TYW1B: variants seen among roughly 807,000 people sequenced by gnomAD.
The protein encoded by TYW1B is tRNA-yW synthesizing protein 1 homolog B.
TYW1B carries 73 observed loss-of-function variants against 86.9 expected under a neutral mutation model. That is an observed-to-expected ratio of 0.84 (90% confidence interval 0.70 to 1.02). The LOEUF is 1.02. TYW1B is among the 50% of genes least tolerant of loss of function. TYW1B has a pLI of 0.00. For synonymous variants in TYW1B, 248 were observed against 292.8 expected (o/e 0.85, Z 1.56); for missense variants, 637 against 827.4 (o/e 0.77, Z 2.82).
At chr7:72,636,780 T>C (rs1279439633) in intron 11 of TYW1B, among the ~76,000 whole-genome samples, 1 of 152,236 alleles carries the variant, frequency 6.6e-6, no homozygotes, top group Non-Finnish European at 1.5e-5. Flanking sequence ...CATGGTTTTA[T>C]AGACTGCTGT....
At chr7:72,622,710 A>G (rs1306403215) in intron 12 of TYW1B, among the ~76,000 whole-genome samples, 1 of 147,940 alleles carries the variant, frequency 6.8e-6, no homozygotes, top group Non-Finnish European at 1.5e-5. Flanking sequence ...ACACACATGC[A>G]CACACACAAC....
In TYW1B at chr7:72,824,047, C is replaced by T. The variant is rs543729205; in HGVS notation, c.135+2808G>A. ...CATTAAAAGGACTTTGCTTTGGCTG[C>T]TCAGACACCTTTTTGCTTTTTTTCA... On this transcript the variant is annotated intron_variant, in intron 2 of 13. Coordinates refer to ENST00000620995, the MANE Select transcript of TYW1B (RefSeq NM_001145440.3). Among the ~76,000 whole-genome samples the T allele has an allele frequency of 6.9e-4, 105 of 152,102 alleles. 1 individual carries two copies. Among genetic ancestry groups the T allele is most frequent in the African/African-American group, 2.5e-3 (102 of 41,494 alleles).
At chr7:72,781,098 T>C (rs536507185) in intron 6 of TYW1B, among the ~76,000 whole-genome samples, 1 of 152,128 alleles carries the variant, frequency 6.6e-6, no homozygotes, top group African/African-American at 2.4e-5. Flanking sequence ...CCAATCTGGT[T>C]CAATTATGTG....
At chr7:72,717,001 G>A (rs1401479317) in intron 9 of TYW1B, among the ~76,000 whole-genome samples, 1 of 151,478 alleles carries the variant, frequency 6.6e-6, no homozygotes, top group African/African-American at 2.4e-5. Context: ...ACAGTTGCTT[G>A]TAAAAAGCAT....
chr7:72,630,249 G>C (rs138050149), intron 11 of TYW1B, among the ~76,000 whole-genome samples: 1 of 152,030 alleles, frequency 6.6e-6, no homozygotes, highest in Non-Finnish European at 1.5e-5. Flanking sequence ...ACTGCACTGA[G>C]ACAGAGCAAG....
intron 13 of TYW1B, among the ~76,000 whole-genome samples, chr7:72,598,554 T>G (rs1811587543): frequency 6.6e-6 from 1 of 151,890 alleles, no homozygotes; most frequent in Non-Finnish European, 1.5e-5. Flanking sequence ...AAAAGCAGGT[T>G]TATGTAGAAG....
intron 13 of TYW1B, among the ~76,000 whole-genome samples, chr7:72,611,277 T>A (rs1811926099): frequency 6.6e-6 from 1 of 152,096 alleles, no homozygotes; most frequent in African/African-American, 2.4e-5. Context: ...TGTTGAGATA[T>A]TTGTCTTTTT....
intron 11 of TYW1B, among the ~76,000 whole-genome samples, chr7:72,674,162 G>C (rs1407769305): frequency 6.6e-6 from 1 of 152,114 alleles, no homozygotes; most frequent in African/African-American, 2.4e-5. Context: ...GCCACAAGGA[G>C]GTAGCTGGCC....
chr7:72,707,122 C>T (rs1330070242), intron 10 of TYW1B, among the ~76,000 whole-genome samples: 3 of 152,224 alleles, frequency 2.0e-5, no homozygotes, highest in Non-Finnish European at 4.4e-5. Flanking sequence ...AGTGCCCCTG[C>T]CCTGTAGATC....
chr7:72,590,748 T>C (rs1158940930), intron 13 of TYW1B, among the ~76,000 whole-genome samples: 21 of 152,102 alleles, frequency 1.4e-4, no homozygotes, highest in Admixed American at 1.4e-3. Context: ...GGCCACATGA[T>C]AGGATACAAA....
chr7:72,621,603 T>C (rs541976566), intron 12 of TYW1B, among the ~76,000 whole-genome samples: 1 of 152,330 alleles, frequency 6.6e-6, no homozygotes, highest in East Asian at 1.9e-4. Flanking sequence ...TCTTATCATA[T>C]CCTGTGTAGT....
At position 72,742,726 on chromosome 7, in the gene TYW1B, AATC is replaced by A. The variant is rs147306319; in HGVS notation, c.1082+1755_1082+1757del. 9.2e-3 allele frequency among the ~76,000 whole-genome samples: 1,406 copies of A among 152,288 alleles called. 13 individuals carry two copies. The highest frequency in any genetic ancestry group is 0.024 in the Admixed American group (368 of 15,278). Reference sequence around the variant, plus strand: ...CTAAAATTTATTTGTAATCCCCAATAATCATAACAAAATAACCCCCAAATCAAG... The same window carrying A: ...CTAAAATTTATTTGTAATCCCCAATAATAACAAAATAACCCCCAAATCAAG... On this transcript the variant is annotated intron_variant, in intron 8 of 13. Transcript: ENST00000620995.
intron 11 of TYW1B, among the ~76,000 whole-genome samples, chr7:72,692,101 G>T (rs1488014974): frequency 6.6e-6 from 1 of 150,732 alleles, no homozygotes; most frequent in Non-Finnish European, 1.5e-5. Context: ...AGCTACTGGG[G>T]AGTCTGAGGC....
At chr7:72,578,084 C>T (rs1289862170) in intron 13 of TYW1B, among the ~76,000 whole-genome samples, 2 of 151,508 alleles carry the variant, frequency 1.3e-5, no homozygotes, top group African/African-American at 4.8e-5. Flanking sequence ...TCACCCAGGA[C>T]ATGCGAGGGC....
At chr7:72,801,365 T>C (rs1442390610) in intron 6 of TYW1B, among the ~76,000 whole-genome samples, 2 of 152,136 alleles carry the variant, frequency 1.3e-5, no homozygotes, top group South Asian at 2.1e-4. Context: ...TAGGTAATTA[T>C]TGATCCTTTA....
At chr7:72,757,634 A>T (rs952790052) in intron 7 of TYW1B, among the ~76,000 whole-genome samples, 1 of 152,194 alleles carries the variant, frequency 6.6e-6, no homozygotes, top group Non-Finnish European at 1.5e-5. Context: ...AAAGGAAAGT[A>T]TGAAGTTATC....
chr7:72,684,635 G>A (rs1813962582), intron 11 of TYW1B, among the ~76,000 whole-genome samples: 1 of 151,926 alleles, frequency 6.6e-6, no homozygotes, highest in South Asian at 2.1e-4. Context: ...AAGAAAGGAA[G>A]AACATCAGAG....
chr7:72,608,504 T>C (rs1408708163), intron 13 of TYW1B, among the ~76,000 whole-genome samples: 3 of 152,180 alleles, frequency 2.0e-5, no homozygotes, highest in African/African-American at 7.2e-5. Flanking sequence ...TAATGTAATA[T>C]GTAAATCAAC....
intron 2 of TYW1B, among the ~76,000 whole-genome samples, chr7:72,822,162 C>CAAAAAAAAAAAAAAAAAAAAAAAAAAAA (rs782637112): frequency 1.1e-4 from 4 of 36,350 alleles, no homozygotes; most frequent in South Asian, 1.0e-3. Context: ...GACCCTGTCT[C>CAAAAAAAAAAAAAAAAAAAAAAAAAAAA]AAAAAAAAAA....
Sources: allele counts gnomAD v4.1 joint callset (sites outside exome capture counted in the v4.1 genomes callset), GRCh38; gene constraint gnomAD v4.1.1; transcripts MANE v1.5; gene names NCBI Gene and HGNC (gene_info 2026-07-23, HGNC 2026-07-21).